The following CAV1 variants were observed in gnomAD, a reference collection of about 807,000 sequenced individuals.
CAV1 encodes the protein caveolin 1, also known as caveolin-1.
In CAV1, 10 loss-of-function variants were observed where a neutral mutation model predicts 16.5. The ratio of observed to expected loss-of-function variants is 0.61; its 90% CI spans 0.37 to 1.03. CAV1 has a LOEUF of 1.03. Among genes scored for constraint, CAV1 ranks in the 50% least tolerant of loss-of-function variants. The pLI is 0.01. For missense variants in CAV1, 212 were observed against 232.8 expected (o/e 0.91, Z 0.58); for synonymous variants, 76 against 85.1 (o/e 0.89, Z 0.59).
intron 1 of CAV1, 64 bp downstream of exon 1, chr7:116,525,156 T>G: frequency 3.1e-6 from 5 of 1,613,980 alleles, no homozygotes; most frequent in Non-Finnish European, 3.4e-6. Context: ...GCTATCTGCC[T>G]CTCCAAATAT....
chr7:116,531,605 T>C (rs1324631891), intron 2 of CAV1, among the ~76,000 whole-genome samples: 1 of 152,226 alleles, frequency 6.6e-6, no homozygotes, highest in Non-Finnish European at 1.5e-5. Flanking sequence ...ATTATTATTA[T>C]ACTTTAAGTT....
At chr7:116,526,800 A>G in intron 2 of CAV1, 111 bp downstream of exon 2, 1 of 1,141,842 alleles carries the variant, frequency 8.8e-7, no homozygotes, top group Non-Finnish European at 1.3e-6. Context: ...CGCCCCCTAC[A>G]CGCGCACACA....
chr7:116,550,672 T>C (rs1424088170), intron 2 of CAV1, among the ~76,000 whole-genome samples: 1 of 152,214 alleles, frequency 6.6e-6, no homozygotes, highest in Non-Finnish European at 1.5e-5. Context: ...GTTAAAAATA[T>C]GTGTGGGAAC....
intron 2 of CAV1, among the ~76,000 whole-genome samples, chr7:116,542,555 C>T (rs925971413): frequency 6.6e-6 from 1 of 152,202 alleles, no homozygotes; most frequent in African/African-American, 2.4e-5. Flanking sequence ...GTTATCATTT[C>T]ACTAGGTCCT....
At chr7:116,532,713 G>A (rs1438702803) in intron 2 of CAV1, among the ~76,000 whole-genome samples, 1 of 152,204 alleles carries the variant, frequency 6.6e-6, no homozygotes, top group Admixed American at 6.5e-5. Context: ...CAAGAGGATT[G>A]TGCCAAGATT....
At chr7:116,537,896 G>A (rs1211458666) in intron 2 of CAV1, among the ~76,000 whole-genome samples, 6 of 152,240 alleles carry the variant, frequency 3.9e-5, no homozygotes, top group Non-Finnish European at 7.3e-5. Context: ...TGTGGCCAGA[G>A]TAGAACTAGA....
At position 116,526,907 on chromosome 7, in the gene CAV1, G is replaced by C. The variant is rs1334179933; in HGVS notation, c.195+218G>C. ...TTCCCCCATCTCCCCCCAATAGTTA[G>C]TTCAGCTGAAATTCAGCTAAAGTGA... On this transcript the variant is annotated intron_variant, in intron 2 of 2. Coordinates refer to ENST00000341049, the MANE Select transcript of CAV1 (RefSeq NM_001753.5). 4 of 591,212 alleles carry C rather than the reference G, an allele frequency of 6.8e-6. No homozygotes were observed. The Admixed American group carries it at 1.1e-4, about 16-fold the overall frequency. The allele number at this position is 591,212 out of a possible 1,614,324, so 36.6% of individuals were successfully genotyped here. A position where few individuals can be genotyped will look rare whatever the true frequency, so the allele number is the denominator to read the frequency against.
At chr7:116,557,400 G>A (rs1367242190) in intron 2 of CAV1, among the ~76,000 whole-genome samples, 1 of 152,260 alleles carries the variant, frequency 6.6e-6, no homozygotes, top group African/African-American at 2.4e-5. Context: ...TGCCTGAGTC[G>A]CTGCTGTCAG....
chr7:116,538,094 T>G (rs1455186145), intron 2 of CAV1, among the ~76,000 whole-genome samples: 2 of 152,334 alleles, frequency 1.3e-5, no homozygotes, highest in African/African-American at 4.8e-5. Flanking sequence ...ACAGGTACTT[T>G]GCACTAAACA....
At chr7:116,550,336 C>T (rs771885560) in intron 2 of CAV1, among the ~76,000 whole-genome samples, 1 of 152,140 alleles carries the variant, frequency 6.6e-6, no homozygotes, top group Non-Finnish European at 1.5e-5. Context: ...AACGTCGAAG[C>T]CCAAGAATAA....
intron 2 of CAV1, among the ~76,000 whole-genome samples, chr7:116,536,532 A>G (rs1044483106): frequency 2.6e-5 from 4 of 152,342 alleles, no homozygotes; most frequent in African/African-American, 7.2e-5. Context: ...CAGAGGGAGC[A>G]ACAGGAGCAA....
chr7:116,526,193 G>T, intron 1 of CAV1: 1 of 797,436 alleles, frequency 1.3e-6, no homozygotes, highest in Non-Finnish European at 1.5e-6. Context: ...TGCGGGTCCT[G>T]CGTGCTGAGC....
intron 2 of CAV1, among the ~76,000 whole-genome samples, chr7:116,550,083 G>T (rs1336824099): frequency 6.6e-6 from 1 of 152,172 alleles, no homozygotes; most frequent in Non-Finnish European, 1.5e-5. Context: ...TGAGGCCTCT[G>T]TAATGACTGG....
chr7:116,558,374 T>C (rs975114775), intron 2 of CAV1, among the ~76,000 whole-genome samples: 1 of 152,138 alleles, frequency 6.6e-6, no homozygotes, highest in African/African-American at 2.4e-5. Flanking sequence ...TTTTGTGTGG[T>C]AGAGAAACAC....
At chr7:116,530,913 TAATGAA>T (rs1322991863) in intron 2 of CAV1, among the ~76,000 whole-genome samples, 7 of 152,160 alleles carry the variant, frequency 4.6e-5, no homozygotes, top group Non-Finnish European at 1.0e-4. Flanking sequence ...GTACAGAAGG[TAATGAA>T]AAGTAGCCAG....
Position 116,559,634 on chromosome 7 carries a change from G to T in CAV1, c.*347G>T. 1 of 525,138 alleles carries T rather than the reference G, an allele frequency of 1.9e-6. No homozygotes were observed. The highest frequency in any genetic ancestry group is 3.2e-5 in the South Asian group (1 of 30,900). 32.5% of individuals were successfully genotyped at this position (525,138 alleles called of 1,614,324 possible). A position where few individuals can be genotyped will look rare whatever the true frequency, so the allele number is the denominator to read the frequency against. On this transcript the variant is annotated 3_prime_UTR_variant, in exon 3 of 3. Coordinates refer to ENST00000341049, the MANE Select transcript of CAV1 (RefSeq NM_001753.5). ...AGGAGGAAAAAAAAAAAAAAGAAAAGAACCAACAACCTCAACTGCCTACTC... is the reference window on the plus strand; with the variant it reads ...AGGAGGAAAAAAAAAAAAAAGAAAATAACCAACAACCTCAACTGCCTACTC...
At chr7:116,555,514 AAGAAAGAGAGAGAGAGAGAGAGAGAGAG>A (rs1562838135) in intron 2 of CAV1, among the ~76,000 whole-genome samples, 434 of 10,266 alleles carry the variant, frequency 0.042, 77 homozygotes, top group African/African-American at 0.076. Context: ...GAAAGAAAGA[AAGAAAGAGAGAGAGAGAGAGAGAGAGAG>A]AGAAAGAAAG....
At chr7:116,531,390 A>C (rs983477926) in intron 2 of CAV1, among the ~76,000 whole-genome samples, 1 of 152,192 alleles carries the variant, frequency 6.6e-6, no homozygotes, top group Non-Finnish European at 1.5e-5. Flanking sequence ...CACAGACACA[A>C]ATTTTTCTTT....
At chr7:116,538,066 G>A (rs1793861056) in intron 2 of CAV1, among the ~76,000 whole-genome samples, 2 of 152,192 alleles carry the variant, frequency 1.3e-5, no homozygotes, top group South Asian at 2.1e-4. Flanking sequence ...TAAGCATGAG[G>A]AAAGGAAGCA....
Sources: allele counts gnomAD v4.1 joint callset (sites outside exome capture counted in the v4.1 genomes callset), GRCh38; gene constraint gnomAD v4.1.1; transcripts MANE v1.5; gene names NCBI Gene and HGNC (gene_info 2026-07-23, HGNC 2026-07-21).